Variants in KCNMA1 observed in about 807,000 individuals in gnomAD.
KCNMA1 encodes potassium calcium-activated channel subfamily M alpha 1, also known as Calcium-activated potassium channel subunit alpha-1.
KCNMA1 carries 29 observed loss-of-function variants against 140.0 expected under a neutral mutation model. The observed-to-expected ratio is 0.21, with a 90% CI of 0.15 to 0.28. The LOEUF (loss-of-function observed/expected upper bound fraction) is 0.28, where lower values mean the gene tolerates loss of function less well. Ranked by LOEUF, KCNMA1 falls within the 10% of genes least tolerant of loss-of-function variation. KCNMA1 has a pLI of 1.00. For synonymous variants in KCNMA1, 612 were observed against 611.9 expected (o/e 1.00, Z 0.00); for missense variants, 880 against 1,602.2 (o/e 0.55, Z 7.70).
intron 1 of KCNMA1, among the ~76,000 whole-genome samples, chr10:77,479,774 T>C (rs1012515659): frequency 3.9e-5 from 6 of 152,236 alleles, no homozygotes; most frequent in African/African-American, 1.4e-4. Flanking sequence ...ACTAAGAAGA[T>C]GCTGCCTGGT....
At chr10:77,345,313 A>G (rs1410535985) in intron 2 of KCNMA1, among the ~76,000 whole-genome samples, 2 of 152,166 alleles carry the variant, frequency 1.3e-5, no homozygotes, top group Non-Finnish European at 2.9e-5. Flanking sequence ...TCTCCATAGA[A>G]TCGGTCCCAA....
intron 1 of KCNMA1, among the ~76,000 whole-genome samples, chr10:77,534,683 G>C (rs1207857046): frequency 6.6e-6 from 1 of 152,182 alleles, no homozygotes; most frequent in East Asian, 1.9e-4. Flanking sequence ...ATAAGATCTA[G>C]TGTTCAGTAG....
At chr10:77,158,892 ATCC>A (rs1406227747) in intron 5 of KCNMA1, among the ~76,000 whole-genome samples, 3 of 152,152 alleles carry the variant, frequency 2.0e-5, no homozygotes, top group Non-Finnish European at 4.4e-5. Context: ...GTAATAAGTA[ATCC>A]TCATACTCTC....
chr10:77,069,339 C>T (rs959475011), intron 14 of KCNMA1, among the ~76,000 whole-genome samples: 1 of 152,132 alleles, frequency 6.6e-6, no homozygotes, highest in Non-Finnish European at 1.5e-5. Context: ...CAAATAAGAT[C>T]CTATTGCACA....
At chr10:77,514,825 C>T (rs1292892414) in intron 1 of KCNMA1, among the ~76,000 whole-genome samples, 3 of 152,170 alleles carry the variant, frequency 2.0e-5, no homozygotes, top group Non-Finnish European at 4.4e-5. Flanking sequence ...TTTCCAAATC[C>T]CCTCTGACCT....
At chr10:77,369,510 G>A (rs776577821) in intron 2 of KCNMA1, among the ~76,000 whole-genome samples, 1 of 152,154 alleles carries the variant, frequency 6.6e-6, no homozygotes, top group Non-Finnish European at 1.5e-5. Context: ...AAGGCCATCA[G>A]TTCATTCCTT....
chr10:77,588,400 A>C (rs2077926107), intron 1 of KCNMA1, among the ~76,000 whole-genome samples: 1 of 152,234 alleles, frequency 6.6e-6, no homozygotes, highest in South Asian at 2.1e-4. Context: ...TTGAGAGATC[A>C]AGACAGACAG....
At chr10:76,997,324 G>T (rs944587048) in intron 19 of KCNMA1, among the ~76,000 whole-genome samples, 16 of 152,198 alleles carry the variant, frequency 1.1e-4, no homozygotes, top group Non-Finnish European at 2.4e-4. Context: ...TTTGCAAAAG[G>T]CTGCATGTAA....
intron 5 of KCNMA1, among the ~76,000 whole-genome samples, chr10:77,127,555 G>A (rs1444558480): frequency 8.2e-6 from 1 of 122,542 alleles, no homozygotes; most frequent in Non-Finnish European, 1.7e-5. Context: ...TGAGTACAGT[G>A]ATAGAGAAAA....
At chr10:77,406,106 C>T (rs927643981) in intron 1 of KCNMA1, among the ~76,000 whole-genome samples, 1 of 152,198 alleles carries the variant, frequency 6.6e-6, no homozygotes, top group African/African-American at 2.4e-5. Flanking sequence ...CTGGGGGCTG[C>T]CTGCTGACAT....
At chr10:77,042,826 AT>A in intron 14 of KCNMA1, among the ~76,000 whole-genome samples, 1 of 152,294 alleles carries the variant, frequency 6.6e-6, no homozygotes, top group Non-Finnish European at 1.5e-5. Context: ...TTTGTTTTGA[AT>A]TTAGCAAAAA....
chr10:77,079,408 C>A, intron 13 of KCNMA1, 73 bp downstream of exon 13: 1 of 603,332 alleles, frequency 1.7e-6, no homozygotes, highest in Non-Finnish European at 3.1e-6. Context: ...GTGTGTGAGC[C>A]TGTATAATGA....
chr10:77,042,701 A>C (rs899922787), intron 14 of KCNMA1, among the ~76,000 whole-genome samples: 12 of 152,302 alleles, frequency 7.9e-5, no homozygotes, highest in African/African-American at 2.9e-4. Context: ...CAGAATTTTC[A>C]TGCCTTTATG....
chr10:76,915,207 C>A (rs1301675837), intron 23 of KCNMA1, among the ~76,000 whole-genome samples, 158 bp from the exon 24 acceptor site: 1 of 152,148 alleles, frequency 6.6e-6, no homozygotes, highest in African/African-American at 2.4e-5. Flanking sequence ...ATGATTAATT[C>A]TTTAGAAGGA....
intron 5 of KCNMA1, among the ~76,000 whole-genome samples, chr10:77,130,060 A>G (rs1465336156): frequency 6.6e-6 from 1 of 152,186 alleles, no homozygotes; most frequent in Non-Finnish European, 1.5e-5. Flanking sequence ...ATCTAAAGCT[A>G]CTAACTTATA....
intron 9 of KCNMA1, among the ~76,000 whole-genome samples, chr10:77,094,039 C>T (rs910950857): frequency 6.6e-6 from 1 of 152,164 alleles, no homozygotes; most frequent in Non-Finnish European, 1.5e-5. Flanking sequence ...ATGAAGTTAT[C>T]CTGATATCTA....
intron 2 of KCNMA1, among the ~76,000 whole-genome samples, chr10:77,274,898 C>A (rs965905182): frequency 6.6e-6 from 1 of 152,112 alleles, no homozygotes; most frequent in African/African-American, 2.4e-5. Flanking sequence ...GGGAGAGAAA[C>A]TGAGAAGGGA....
At chr10:77,164,888 T>G (rs1398210864) in intron 5 of KCNMA1, among the ~76,000 whole-genome samples, 1 of 152,182 alleles carries the variant, frequency 6.6e-6, no homozygotes, top group Non-Finnish European at 1.5e-5. Context: ...CTCCTTGTAT[T>G]AGGGATATTT....
intron 1 of KCNMA1, among the ~76,000 whole-genome samples, chr10:77,444,805 C>G (rs1253260922): frequency 6.6e-6 from 1 of 152,102 alleles, no homozygotes; most frequent in Non-Finnish European, 1.5e-5. Context: ...ATTCCCCCAC[C>G]GAGCAAGAGG....
Sources: allele counts gnomAD v4.1 joint callset (sites outside exome capture counted in the v4.1 genomes callset), GRCh38; gene constraint gnomAD v4.1.1; transcripts MANE v1.5; gene names NCBI Gene and HGNC (gene_info 2026-07-23, HGNC 2026-07-21).